Variants in LRP1B observed in about 807,000 individuals in gnomAD.
LRP1B encodes the protein LDL receptor related protein 1B.
LRP1B carries 217 observed loss-of-function variants against 556.6 expected under a neutral mutation model. That is an observed-to-expected ratio of 0.39 (90% confidence interval 0.35 to 0.44). The LOEUF (loss-of-function observed/expected upper bound fraction) is 0.44. LRP1B is among the 20% of genes least tolerant of loss of function. The pLI, the probability that LRP1B is intolerant of heterozygous loss-of-function variation, is 1.00. For missense variants in LRP1B, 5,053 were observed against 5,620.8 expected, an observed-to-expected ratio of 0.90 and a Z score of 3.23; for synonymous variants, 2,047 against 1,865.8, an observed-to-expected ratio of 1.10 and a Z score of -2.50.
intron 85 of LRP1B, 85 bp downstream of exon 85, chr2:140,274,339 T>C: frequency 8.2e-7 from 1 of 1,226,702 alleles, no homozygotes; most frequent in Admixed American, 2.0e-5. Context: ...AAAAACAATC[T>C]ACAAAGTTTT....
chr2:141,531,277 G>A (rs924926450), intron 2 of LRP1B, among the ~76,000 whole-genome samples: 3 of 149,052 alleles, frequency 2.0e-5, no homozygotes, highest in Non-Finnish European at 3.0e-5. Flanking sequence ...ATATTATCAC[G>A]TTAATATTTC....
At chr2:140,893,964 T>C (rs1182609926) in intron 23 of LRP1B, among the ~76,000 whole-genome samples, 1 of 152,096 alleles carries the variant, frequency 6.6e-6, no homozygotes, top group Non-Finnish European at 1.5e-5. Flanking sequence ...TGAGCAAAAA[T>C]GAAGAAGGCT....
intron 2 of LRP1B, among the ~76,000 whole-genome samples, chr2:141,754,771 C>T (rs1223032064): frequency 6.6e-6 from 1 of 152,016 alleles, no homozygotes; most frequent in Non-Finnish European, 1.5e-5. Context: ...GCCTTTTTTC[C>T]TCCTAGCTAT....
chr2:141,998,144 G>A (rs1702552180), intron 1 of LRP1B, among the ~76,000 whole-genome samples: 1 of 152,010 alleles, frequency 6.6e-6, no homozygotes, highest in Non-Finnish European at 1.5e-5. Flanking sequence ...GATTTAGTGT[G>A]GGCTTCACCT....
At chr2:141,955,379 C>T (rs893214500) in intron 1 of LRP1B, among the ~76,000 whole-genome samples, 6 of 152,062 alleles carry the variant, frequency 3.9e-5, no homozygotes, top group Non-Finnish European at 8.8e-5. Flanking sequence ...ATCTTGCTTG[C>T]TTTTCTTTCT....
chr2:141,941,974 T>C (rs1700820347), intron 1 of LRP1B, among the ~76,000 whole-genome samples: 1 of 152,228 alleles, frequency 6.6e-6, no homozygotes, highest in Non-Finnish European at 1.5e-5. Flanking sequence ...TTTTAATTTC[T>C]GAGCAATAGT....
chr2:141,540,267 A>G (rs1685209572), intron 2 of LRP1B, among the ~76,000 whole-genome samples: 1 of 151,672 alleles, frequency 6.6e-6, no homozygotes, highest in Non-Finnish European at 1.5e-5. Context: ...TTAACACATT[A>G]GGGAGTATGC....
intron 2 of LRP1B, among the ~76,000 whole-genome samples, chr2:141,550,635 C>G (rs1041326402): frequency 2.6e-5 from 4 of 152,084 alleles, no homozygotes; most frequent in Non-Finnish European, 4.4e-5. Flanking sequence ...CTTCATCTCC[C>G]TAATTTTCTT....
At chr2:141,352,352 C>T (rs889267803) in intron 3 of LRP1B, among the ~76,000 whole-genome samples, 2 of 151,782 alleles carry the variant, frequency 1.3e-5, no homozygotes, top group African/African-American at 4.8e-5. Context: ...TATTTAAAAT[C>T]ATGGGGTTAT....
chr2:141,583,227 G>C (rs951392629), intron 2 of LRP1B, among the ~76,000 whole-genome samples: 23 of 152,114 alleles, frequency 1.5e-4, no homozygotes, highest in African/African-American at 5.3e-4. Context: ...CTGAAAAATT[G>C]TATGGAAATC....
chr2:141,786,486 A>G (rs1695433713), intron 2 of LRP1B, among the ~76,000 whole-genome samples: 1 of 151,980 alleles, frequency 6.6e-6, no homozygotes, highest in Admixed American at 6.6e-5. Context: ...TTGTTCTTGT[A>G]TCTTATAGCC....
At chr2:141,034,133 C>T (rs979933479) in intron 11 of LRP1B, among the ~76,000 whole-genome samples, 1 of 152,078 alleles carries the variant, frequency 6.6e-6, no homozygotes, top group African/African-American at 2.4e-5. Context: ...TCTTTCTCAA[C>T]TCTTATATTT....
chr2:140,932,707 T>C (rs562507369), intron 20 of LRP1B, among the ~76,000 whole-genome samples: 2 of 151,528 alleles, frequency 1.3e-5, no homozygotes, highest in East Asian at 3.9e-4. Context: ...ACTCTGTCTC[T>C]ATAATTTTTT....
chr2:140,693,219 A>T (rs1401739590), intron 41 of LRP1B, among the ~76,000 whole-genome samples: 1 of 152,176 alleles, frequency 6.6e-6, no homozygotes, highest in African/African-American at 2.4e-5. Context: ...CTACAAATTT[A>T]TATTTCTTTA....
At chr2:141,229,139 A>C (rs748902987) in intron 6 of LRP1B, 44 bp downstream of exon 6, 1 of 1,597,572 alleles carries the variant, frequency 6.3e-7, no homozygotes, top group Admixed American at 1.7e-5. Context: ...TCTGTAAATG[A>C]AATCAGTAAA....
rs557129459 is a variant in LRP1B, at chr2:140,348,534, C to T, written c.11892+2263G>A. ...TTGTGAGTGCTATTTTTCTTCTTTGCGAATGCTAATAATCATGGGAGATTT... is the reference window on the plus strand; with the variant it reads ...TTGTGAGTGCTATTTTTCTTCTTTGTGAATGCTAATAATCATGGGAGATTT... On this transcript the variant is annotated intron_variant, in intron 77 of 90. Transcript: ENST00000389484. Among the ~76,000 whole-genome samples the T allele has an allele frequency of 2.0e-4, 31 of 151,890 alleles. No homozygotes were observed. The South Asian group carries it at 3.5e-3, about 17-fold the overall frequency.
intron 7 of LRP1B, among the ~76,000 whole-genome samples, chr2:141,085,453 G>A (rs1485287084): frequency 6.6e-6 from 1 of 152,124 alleles, no homozygotes; most frequent in Non-Finnish European, 1.5e-5. Context: ...TGATGTCCTT[G>A]TGAGAAGAGG....
chr2:141,878,459 A>G (rs1698842815), intron 1 of LRP1B, among the ~76,000 whole-genome samples: 2 of 151,986 alleles, frequency 1.3e-5, no homozygotes, highest in South Asian at 4.1e-4. Context: ...ATAGGACAAT[A>G]TTTTAACAGG....
At chr2:140,774,152 C>T (rs965658089) in intron 33 of LRP1B, among the ~76,000 whole-genome samples, 24 of 152,108 alleles carry the variant, frequency 1.6e-4, no homozygotes, top group Admixed American at 1.2e-3. Context: ...AGCTTTTACG[C>T]TACCTGCAGT....
Sources: gnomAD v4.1 joint callset for allele counts (sites outside exome capture counted in the v4.1 genomes callset) on GRCh38, gnomAD v4.1.1 for gene constraint, MANE v1.5 for transcripts, NCBI Gene and HGNC (gene_info 2026-07-23, HGNC 2026-07-21) for gene names.